Variants in SLC24A3 observed in about 807,000 individuals in gnomAD.
The protein encoded by SLC24A3 is sodium/potassium/calcium exchanger 3.
SLC24A3 carries 28 observed loss-of-function variants against 75.8 expected under a neutral mutation model. The observed-to-expected ratio is 0.37, with a 90% CI of 0.27 to 0.51. SLC24A3 has a LOEUF of 0.51. SLC24A3 is among the 20% of genes least tolerant of loss of function. The pLI, the probability that SLC24A3 is intolerant of heterozygous loss-of-function variation, is 0.94. For synonymous variants in SLC24A3, 372 were observed against 334.1 expected, an observed-to-expected ratio of 1.11 and a Z score of -1.24; for missense variants, 663 against 847.8, an observed-to-expected ratio of 0.78 and a Z score of 2.71.
chr20:19,413,617 C>T (rs977460522), intron 2 of SLC24A3, among the ~76,000 whole-genome samples: 2 of 152,102 alleles, frequency 1.3e-5, no homozygotes, highest in Non-Finnish European at 2.9e-5. Flanking sequence ...CACTTTCCCC[C>T]CAACCTCACC....
chr20:19,273,038 A>T (rs911770627), intron 1 of SLC24A3, among the ~76,000 whole-genome samples: 59 of 152,136 alleles, frequency 3.9e-4, no homozygotes, highest in African/African-American at 1.4e-3. Context: ...CCTCACAACC[A>T]GCTTGCCTCG....
chr20:19,416,451 C>T (rs149426197), intron 2 of SLC24A3, among the ~76,000 whole-genome samples: 1,629 of 152,216 alleles, frequency 0.011, 16 homozygotes, highest in Non-Finnish European at 0.018. Context: ...TTCTGCTGAG[C>T]TCAGGCAGAG....
intron 2 of SLC24A3, among the ~76,000 whole-genome samples, chr20:19,489,557 C>T (rs1293322342): frequency 6.6e-6 from 1 of 152,096 alleles, no homozygotes; most frequent in Admixed American, 6.5e-5. Context: ...ATATTTCTCT[C>T]TTTTATGGAT....
chr20:19,644,857 A>C (rs1446831879), intron 6 of SLC24A3, among the ~76,000 whole-genome samples: 1 of 152,190 alleles, frequency 6.6e-6, no homozygotes, highest in East Asian at 1.9e-4. Flanking sequence ...CAACTCTGAA[A>C]ACTAGATTAG....
At chr20:19,529,745 G>A (rs1185636500) in intron 3 of SLC24A3, among the ~76,000 whole-genome samples, 1 of 152,136 alleles carries the variant, frequency 6.6e-6, no homozygotes, top group Non-Finnish European at 1.5e-5. Context: ...ACCTGGCTGG[G>A]TACAGCCCCT....
intron 3 of SLC24A3, among the ~76,000 whole-genome samples, chr20:19,524,977 A>C (rs930998089): frequency 6.6e-6 from 1 of 152,210 alleles, no homozygotes; most frequent in African/African-American, 2.4e-5. Context: ...GTTGGCGCTC[A>C]ATGGTTTTGT....
intron 2 of SLC24A3, among the ~76,000 whole-genome samples, chr20:19,400,680 C>T (rs894583448): frequency 6.6e-6 from 1 of 152,138 alleles, no homozygotes; most frequent in African/African-American, 2.4e-5. Context: ...TCTCCTTAGA[C>T]TCTCAACTGC....
intron 3 of SLC24A3, among the ~76,000 whole-genome samples, chr20:19,536,565 C>G (rs1198285169): frequency 2.0e-5 from 3 of 152,184 alleles, no homozygotes; most frequent in Non-Finnish European, 2.9e-5. Flanking sequence ...TCCGCATTGC[C>G]AAGTCAATCC....
At chr20:19,213,760 A>G (rs1981476081) in intron 1 of SLC24A3, among the ~76,000 whole-genome samples, 1 of 152,206 alleles carries the variant, frequency 6.6e-6, no homozygotes, top group Non-Finnish European at 1.5e-5. Flanking sequence ...TTGAGCTGAA[A>G]TAGATCTTGT....
At position 19,696,861 on chromosome 20, in the gene SLC24A3, C is replaced by T. The variant is rs1447450780; in HGVS notation, c.1556C>T (p.Ala519Val). 7 of 1,613,850 alleles carry T rather than the reference C, an allele frequency of 4.3e-6. No individual in the cohort carries two copies. Among genetic ancestry groups the T allele is most frequent in the Non-Finnish European group, 5.9e-6 (7 of 1,179,966 alleles). Reference protein sequence around the residue: ...DVIMGITFLAAGTSVPDCMAS... With the variant: ...DVIMGITFLAVGTSVPDCMAS... ...ATCATGGGGATCACCTTCCTGGCTG[C>T]TGGGACCAGCGTGCCTGACTGCATG... The change falls in exon 14 of 17, where the codon GCT becomes GTT. Residue 519 changes from alanine to valine, a missense_variant. By Grantham distance (64) the Ala-to-Val change is moderately conservative (BLOSUM62 0). Transcript: ENST00000328041.
intron 2 of SLC24A3, among the ~76,000 whole-genome samples, chr20:19,377,913 T>C (rs1344637502): frequency 6.6e-6 from 1 of 152,182 alleles, no homozygotes; most frequent in African/African-American, 2.4e-5. Flanking sequence ...TAAAGTTGTA[T>C]TGGGACACAG....
At chr20:19,563,344 C>T (rs544092907) in intron 3 of SLC24A3, among the ~76,000 whole-genome samples, 1 of 152,224 alleles carries the variant, frequency 6.6e-6, no homozygotes, top group African/African-American at 2.4e-5. Context: ...CAAATACACC[C>T]ACAAGAAGTT....
intron 2 of SLC24A3, among the ~76,000 whole-genome samples, chr20:19,410,196 T>A (rs551366287): frequency 6.6e-6 from 1 of 152,024 alleles, no homozygotes; most frequent in African/African-American, 2.4e-5. Flanking sequence ...TTTATCAAAC[T>A]CCTCATTAGA....
chr20:19,431,913 A>G (rs1568616253), intron 2 of SLC24A3, among the ~76,000 whole-genome samples: 1 of 151,882 alleles, frequency 6.6e-6, no homozygotes, highest in African/African-American at 2.4e-5. Flanking sequence ...GACTTTCTGG[A>G]TGGTGAGGGG....
At chr20:19,544,952 T>C (rs2030563089) in intron 3 of SLC24A3, among the ~76,000 whole-genome samples, 1 of 152,082 alleles carries the variant, frequency 6.6e-6, no homozygotes, top group African/African-American at 2.4e-5. Context: ...AATAGAAGCG[T>C]GGAAAGGAAA....
chr20:19,525,044 C>T (rs1379867598), intron 3 of SLC24A3, among the ~76,000 whole-genome samples: 5 of 152,166 alleles, frequency 3.3e-5, no homozygotes, highest in Non-Finnish European at 7.3e-5. Context: ...AGAACAAGAC[C>T]TGCTGCTTAT....
chr20:19,458,795 A>G (rs1451527129), intron 2 of SLC24A3, among the ~76,000 whole-genome samples: 1 of 152,182 alleles, frequency 6.6e-6, no homozygotes, highest in Non-Finnish European at 1.5e-5. Context: ...TGTTGTTAAT[A>G]CATACCCTAT....
chr20:19,550,034 C>G (rs1006481869), intron 3 of SLC24A3, among the ~76,000 whole-genome samples: 2 of 152,098 alleles, frequency 1.3e-5, no homozygotes, highest in Admixed American at 6.5e-5. Context: ...TTTAAAGGAT[C>G]TTATGTTGTT....
At chr20:19,720,633 G>A (rs1157882519) in intron 16 of SLC24A3, among the ~76,000 whole-genome samples, 4 of 152,058 alleles carry the variant, frequency 2.6e-5, no homozygotes, top group Admixed American at 2.6e-4. Flanking sequence ...CCAGGGGAGT[G>A]GGGGCCTGCT....
Sources: gnomAD v4.1 joint callset for allele counts (sites outside exome capture counted in the v4.1 genomes callset) on GRCh38, gnomAD v4.1.1 for gene constraint, MANE v1.5 for transcripts, NCBI Gene and HGNC (gene_info 2026-07-23, HGNC 2026-07-21) for gene names.